The following NEK10 variants were observed in gnomAD, a reference collection of about 807,000 sequenced individuals.
The protein encoded by NEK10 is serine/threonine-protein kinase Nek10.
NEK10 carries 122 observed loss-of-function variants against 159.8 expected under a neutral mutation model. That is an observed-to-expected ratio of 0.76 (90% CI 0.66 to 0.89). NEK10 has a LOEUF of 0.89. Ranked by LOEUF, NEK10 falls within the 40% of genes least tolerant of loss-of-function variation. The pLI is 0.00. For synonymous variants in NEK10, 466 were observed against 457.1 expected, an observed-to-expected ratio of 1.02 and a Z score of -0.25; for missense variants, 1,342 against 1,323.1, an observed-to-expected ratio of 1.01 and a Z score of -0.22.
chr3:27,178,887 C>G (rs925433195), intron 26 of NEK10, among the ~76,000 whole-genome samples: 5 of 152,188 alleles, frequency 3.3e-5, no homozygotes, highest in African/African-American at 1.2e-4. Flanking sequence ...GTCCCACCCC[C>G]TACCCAGTGG....
At chr3:27,224,195 T>A (rs781010145) in intron 23 of NEK10, among the ~76,000 whole-genome samples, 2 of 152,192 alleles carry the variant, frequency 1.3e-5, no homozygotes, top group Non-Finnish European at 2.9e-5. Flanking sequence ...CCCAGATCTG[T>A]CCTGTCCCAA....
At chr3:27,358,952 C>A (rs1295721954) in intron 1 of NEK10, among the ~76,000 whole-genome samples, 2 of 152,064 alleles carry the variant, frequency 1.3e-5, no homozygotes, top group Non-Finnish European at 2.9e-5. Flanking sequence ...TGCCTGTAAT[C>A]CCAACACTTT....
chr3:27,165,685 C>A (rs1183744634), intron 29 of NEK10, among the ~76,000 whole-genome samples: 1 of 152,162 alleles, frequency 6.6e-6, no homozygotes, highest in Non-Finnish European at 1.5e-5. Context: ...GTGACCTCAT[C>A]TGGAATTAAT....
intron 23 of NEK10, among the ~76,000 whole-genome samples, chr3:27,239,666 T>A (rs1296181090): frequency 6.6e-6 from 1 of 152,162 alleles, no homozygotes; most frequent in Non-Finnish European, 1.5e-5. Flanking sequence ...GATCTTTGTA[T>A]GTAATATCTA....
At chr3:27,269,177 T>C (rs1378226004) in intron 22 of NEK10, among the ~76,000 whole-genome samples, 1 of 152,216 alleles carries the variant, frequency 6.6e-6, no homozygotes, top group Non-Finnish European at 1.5e-5. Flanking sequence ...CTGGGAAAGA[T>C]GCTGTGAACG....
chr3:27,292,521 G>A (rs936492086), intron 16 of NEK10, among the ~76,000 whole-genome samples: 1 of 152,122 alleles, frequency 6.6e-6, no homozygotes, highest in African/African-American at 2.4e-5. Context: ...ATGATTTAGA[G>A]CTCTGAAATG....
At chr3:27,288,176 A>T (rs933096871) in intron 19 of NEK10, among the ~76,000 whole-genome samples, 1 of 152,218 alleles carries the variant, frequency 6.6e-6, no homozygotes, top group Non-Finnish European at 1.5e-5. Context: ...ATATTTATGG[A>T]AAGTTTGTGC....
At chr3:27,189,517 T>C (rs1301949718) in intron 26 of NEK10, among the ~76,000 whole-genome samples, 1 of 152,170 alleles carries the variant, frequency 6.6e-6, no homozygotes, top group African/African-American at 2.4e-5. Context: ...TGATAATAAC[T>C]GCTCTGGGAG....
chr3:27,140,889 C>G, intron 31 of NEK10, among the ~76,000 whole-genome samples: 1 of 152,152 alleles, frequency 6.6e-6, no homozygotes, highest in East Asian at 1.9e-4. Context: ...CAAAGGTCTT[C>G]TGCACTTCTT....
intron 13 of NEK10, among the ~76,000 whole-genome samples, chr3:27,299,880 T>C (rs1007552037): frequency 4.6e-5 from 7 of 152,346 alleles, no homozygotes; most frequent in South Asian, 2.1e-4. Context: ...ATTTATCCAA[T>C]GTCTGTACCC....
At chr3:27,303,300 AG>A (rs570931230) in intron 12 of NEK10, among the ~76,000 whole-genome samples, 17 of 152,200 alleles carry the variant, frequency 1.1e-4, no homozygotes, top group Non-Finnish European at 2.2e-4. Context: ...ATTCTATATG[AG>A]AAAAAGGCAG....
chr3:27,109,994 T>C lies in NEK10; in HGVS notation c.*1278A>G, dbSNP rs1222887453. The C allele has an allele frequency of 6.6e-6, 1 of 151,888 alleles. No individual in the cohort carries two copies. Among genetic ancestry groups the C allele is most frequent in the Non-Finnish European group, 1.5e-5 (1 of 67,936 alleles). The allele number at this position is 151,888 out of a possible 1,614,324, so 9.4% of individuals were successfully genotyped here. A position where few individuals can be genotyped will look rare whatever the true frequency, so the allele number is the denominator to read the frequency against. Reference sequence around the variant, plus strand: ...TTCATACTATACAGAAAGAAGGTTATGGTCTTTCAACCACTGTAAATACAT... The same window carrying C: ...TTCATACTATACAGAAAGAAGGTTACGGTCTTTCAACCACTGTAAATACAT... On this transcript the variant is annotated 3_prime_UTR_variant, in exon 36 of 36. Transcript: ENST00000691995.
At chr3:27,125,626 T>C (rs1167180758) in intron 32 of NEK10, among the ~76,000 whole-genome samples, 1 of 152,178 alleles carries the variant, frequency 6.6e-6, no homozygotes, top group African/African-American at 2.4e-5. Context: ...AACAGAAATG[T>C]CCAGTATTCC....
chr3:27,276,804 T>C (rs1019106498), intron 22 of NEK10, among the ~76,000 whole-genome samples: 4 of 152,138 alleles, frequency 2.6e-5, no homozygotes, highest in African/African-American at 9.7e-5. Context: ...TCTCCTTCTG[T>C]CATTGGAAAA....
At chr3:27,305,054 G>T in intron 11 of NEK10, 83 bp from the exon 12 acceptor site, 1 of 822,802 alleles carries the variant, frequency 1.2e-6, no homozygotes, top group Non-Finnish European at 2.0e-6. Context: ...TATCATCAGT[G>T]CATGAAATAT....
intron 16 of NEK10, among the ~76,000 whole-genome samples, chr3:27,292,519 G>C (rs2043066934): frequency 6.6e-6 from 1 of 152,118 alleles, no homozygotes; most frequent in Non-Finnish European, 1.5e-5. Context: ...GGATGATTTA[G>C]AGCTCTGAAA....
intron 22 of NEK10, among the ~76,000 whole-genome samples, chr3:27,258,904 C>T (rs562667075): frequency 0.084 from 12,813 of 152,042 alleles, 1,776 homozygotes; most frequent in African/African-American, 0.29. Flanking sequence ...TTTTAATGAT[C>T]GTCATTCTAA....
intron 22 of NEK10, among the ~76,000 whole-genome samples, chr3:27,256,748 C>T (rs1289164006): frequency 2.0e-5 from 3 of 152,108 alleles, no homozygotes; most frequent in Non-Finnish European, 2.9e-5. Context: ...TAACTGGCAT[C>T]AACGTGTACT....
intron 17 of NEK10, 32 bp from the exon 18 acceptor site, chr3:27,291,422 T>C (rs781671386): frequency 1.2e-6 from 2 of 1,608,264 alleles, no homozygotes; most frequent in Non-Finnish European, 1.7e-6. Flanking sequence ...AATGGGTTTC[T>C]GTGATAAATT....
Sources: allele counts gnomAD v4.1 joint callset (sites outside exome capture counted in the v4.1 genomes callset), GRCh38; gene constraint gnomAD v4.1.1; transcripts MANE v1.5; gene names NCBI Gene and HGNC (gene_info 2026-07-23, HGNC 2026-07-21).